SLC15A2: variants seen among roughly 807,000 people sequenced by gnomAD.
The protein encoded by SLC15A2 is solute carrier family 15 member 2, also known as kidney H(+)/peptide cotransporter.
Under a neutral mutation model 95.5 loss-of-function variants are expected in SLC15A2, and 77 were observed. That is an observed-to-expected ratio of 0.81 (90% CI 0.67 to 0.97). The LOEUF (loss-of-function observed/expected upper bound fraction) is 0.97. Among genes scored for constraint, SLC15A2 ranks in the 50% least tolerant of loss-of-function variants. The pLI is 0.00. For missense variants in SLC15A2, 893 were observed against 874.4 expected, an observed-to-expected ratio of 1.02 and a Z score of -0.27; for synonymous variants, 306 against 306.9, an observed-to-expected ratio of 1.00 and a Z score of 0.03.
intron 5 of SLC15A2, chr3:121,915,022 C>A: frequency 7.5e-7 from 1 of 1,340,648 alleles, no homozygotes; most frequent in Non-Finnish European, 9.6e-7. Flanking sequence ...AATGCTAAAG[C>A]TGCTCTGGAG....
Position 121,897,533 on chromosome 3 carries a change from AG to A in SLC15A2, c.335+6del. On this transcript the variant is annotated splice_donor_5th_base_variant and intron_variant, in intron 3 of 21. Coordinates refer to ENST00000489711, the MANE Select transcript of SLC15A2 (RefSeq NM_021082.4). ...ACTCGTGGTTGGGAAAATTCAAGTA[AG>A]GAAGATGGGAGGTCACATCCCTACA... 6.2e-7 allele frequency: 1 copy of A among 1,613,900 alleles called. No homozygotes were observed. Among genetic ancestry groups the A allele is most frequent in the South Asian group, 1.1e-5 (1 of 91,066 alleles).
Position 121,924,371 on chromosome 3 carries a change from G to A in SLC15A2, c.1023G>A (p.Pro341=), listed in dbSNP as rs140841912. Residue 341 remains proline, a synonymous_variant, in exon 12 of 22, where the codon CCG becomes CCA. Coordinates refer to ENST00000489711, the MANE Select transcript of SLC15A2 (RefSeq NM_021082.4). ...TTCAGGGGTTTTTTGTGCTTCAGCC[G>A]GACCAGATGCAGGTATGTGACTCTT... ...NRNLGFFVLQ[P]DQMQVLNPLL... The A allele has an allele frequency of 2.3e-4, 370 of 1,613,150 alleles. 2 individuals carry two copies. The highest frequency in any genetic ancestry group is 2.2e-3 in the South Asian group (203 of 91,044).
chr3:121,901,825 T>C lies in SLC15A2; in HGVS notation c.335+4296T>C, dbSNP rs1025432783. ...AAGTTCTTCCCCACCTCTCATATGT[T>C]TCTCTGCCTGAGTATGTGTTTGTGT... On this transcript the variant is annotated intron_variant, in intron 3 of 21. Coordinates refer to ENST00000489711, the MANE Select transcript of SLC15A2 (RefSeq NM_021082.4). 6.0e-5 allele frequency among the ~76,000 whole-genome samples: 9 copies of C among 149,134 alleles called. 1 individual carries two copies. The highest frequency in any genetic ancestry group is 2.2e-4 in the African/African-American group (9 of 40,128).
intron 11 of SLC15A2, among the ~76,000 whole-genome samples, chr3:121,924,010 G>C (rs1401956884): frequency 1.3e-5 from 2 of 152,122 alleles, no homozygotes; most frequent in African/African-American, 4.8e-5. Context: ...CCCTAACCAT[G>C]ATGTCTTGCC....
intron 19 of SLC15A2, 148 bp from the exon 20 acceptor site, chr3:121,939,201 C>A: frequency 3.5e-6 from 2 of 563,542 alleles, no homozygotes; most frequent in Non-Finnish European, 5.6e-6. Context: ...TTTTGAAAAG[C>A]TGGAATTGTG....
At chr3:121,913,219 G>T (rs1709809895) in intron 5 of SLC15A2, 99 bp downstream of exon 5, 1 of 856,256 alleles carries the variant, frequency 1.2e-6, no homozygotes, top group Non-Finnish European at 1.9e-6. Flanking sequence ...TAATGTACTG[G>T]TCAGATCTTA....
chr3:121,923,796 A>G (rs1370454601), intron 11 of SLC15A2, among the ~76,000 whole-genome samples: 1 of 152,194 alleles, frequency 6.6e-6, no homozygotes, highest in Non-Finnish European at 1.5e-5. Context: ...TTCCTAGATT[A>G]GTGTATTATT....
chr3:121,917,810 A>C (rs1050341365), intron 7 of SLC15A2, among the ~76,000 whole-genome samples: 2 of 152,226 alleles, frequency 1.3e-5, no homozygotes, highest in African/African-American at 4.8e-5. Flanking sequence ...TAATCAATAA[A>C]GAAATTATAA....
At chr3:121,898,339 A>G (rs920946158) in intron 3 of SLC15A2, among the ~76,000 whole-genome samples, 1 of 151,896 alleles carries the variant, frequency 6.6e-6, no homozygotes, top group Non-Finnish European at 1.5e-5. Flanking sequence ...CTTCTTATGA[A>G]TCTAATATTT....
intron 19 of SLC15A2, among the ~76,000 whole-genome samples, chr3:121,938,332 G>A (rs1467226229): frequency 6.6e-6 from 1 of 152,266 alleles, no homozygotes; most frequent in East Asian, 1.9e-4. Flanking sequence ...ACCTAAGCAA[G>A]CCTGGGCAAT....
chr3:121,925,870 C>T (rs1342661368), intron 13 of SLC15A2, among the ~76,000 whole-genome samples: 2 of 149,520 alleles, frequency 1.3e-5, no homozygotes, highest in Non-Finnish European at 1.5e-5. Flanking sequence ...AGTCCCTCCC[C>T]TGCCAAAGCC....
Position 121,942,339 on chromosome 3 carries a change from GA to G in SLC15A2, c.*1338del, listed in dbSNP as rs1710477586. 6.6e-6 allele frequency: 1 copy of G among 152,152 alleles called. No homozygotes were observed. The highest frequency in any genetic ancestry group is 1.5e-5 in the Non-Finnish European group (1 of 68,018). The allele number at this position is 152,152 out of a possible 1,614,324, so 9.4% of individuals were successfully genotyped here. A position where few individuals can be genotyped will look rare whatever the true frequency, so the allele number is the denominator to read the frequency against. ...GCACGACTGTGCAGTGTGTTACTAG[GA>G]AAAAAGTTCAGAATCACTGTTCTAG... On this transcript the variant is annotated 3_prime_UTR_variant, in exon 22 of 22. Transcript: ENST00000489711.
At position 121,914,869 on chromosome 3, in the gene SLC15A2, A is replaced by C. The variant is rs1262246908; in HGVS notation, c.529-358A>C. ...TGAGACTCCATCTCAAAAAAAAAAA[A>C]AAAAAACCACAAACACACACATGAA... On this transcript the variant is annotated intron_variant, in intron 5 of 21. Coordinates refer to ENST00000489711, the MANE Select transcript of SLC15A2 (RefSeq NM_021082.4). 6 of 432,436 alleles carry C rather than the reference A, an allele frequency of 1.4e-5. 1 individual carries two copies. Among genetic ancestry groups the C allele is most frequent in the Non-Finnish European group, 1.9e-5 (6 of 322,614 alleles). The allele number at this position is 432,436 out of a possible 1,614,324, so 26.8% of individuals were successfully genotyped here.
intron 19 of SLC15A2, chr3:121,939,121 A>T: frequency 2.7e-6 from 1 of 364,280 alleles, no homozygotes; most frequent in East Asian, 4.1e-5. Context: ...ATATTCTCTT[A>T]TTTAAAGTCT....
chr3:121,907,649 C>T (rs1347649552), intron 3 of SLC15A2, among the ~76,000 whole-genome samples: 1 of 152,240 alleles, frequency 6.6e-6, no homozygotes, highest in African/African-American at 2.4e-5. Context: ...TAGAAGTCCA[C>T]TCCAGACCCT....
At chr3:121,904,047 C>G (rs1266267531) in intron 3 of SLC15A2, among the ~76,000 whole-genome samples, 3 of 152,162 alleles carry the variant, frequency 2.0e-5, no homozygotes, top group Non-Finnish European at 4.4e-5. Flanking sequence ...TTGTAGTTCT[C>G]CTTGAAGAGG....
chr3:121,919,535 A>T (rs2700421), intron 7 of SLC15A2, among the ~76,000 whole-genome samples: 67,784 of 151,894 alleles, frequency 0.45, 15,659 homozygotes, highest in East Asian at 0.69. Flanking sequence ...AAGTACCACT[A>T]GATTGGTTAA....
intron 7 of SLC15A2, 47 bp downstream of exon 7, chr3:121,915,740 A>G (rs1709882294): frequency 7.4e-7 from 1 of 1,350,144 alleles, no homozygotes; most frequent in South Asian, 1.2e-5. Context: ...GATACCTGAC[A>G]CATGTAAAGC....
intron 3 of SLC15A2, among the ~76,000 whole-genome samples, chr3:121,906,718 C>T (rs959222583): frequency 1.3e-4 from 20 of 151,778 alleles, no homozygotes; most frequent in South Asian, 8.4e-4. Context: ...GGGTTTCTGG[C>T]GAGAGATCCA....
Sources: gnomAD v4.1 joint callset for allele counts (sites outside exome capture counted in the v4.1 genomes callset) on GRCh38, gnomAD v4.1.1 for gene constraint, MANE v1.5 for transcripts, NCBI Gene and HGNC (gene_info 2026-07-23, HGNC 2026-07-21) for gene names.